The following TBC1D5 variants were observed in gnomAD, a reference collection of about 807,000 sequenced individuals.
TBC1D5 encodes TBC1 domain family, member 5.
A neutral mutation model predicts 100.3 loss-of-function variants in TBC1D5; 75 were observed. The ratio of observed to expected loss-of-function variants is 0.75; its 90% CI spans 0.62 to 0.91. The LOEUF is 0.91. TBC1D5 is among the 40% of genes least tolerant of loss of function. The pLI is 0.00. For missense variants in TBC1D5, 910 were observed against 942.4 expected, an observed-to-expected ratio of 0.97 and a Z score of 0.45; for synonymous variants, 323 against 325.6, an observed-to-expected ratio of 0.99 and a Z score of 0.09.
At chr3:17,672,494 C>A (rs1440901409) in intron 1 of TBC1D5, 1 of 152,152 alleles carries the variant, frequency 6.6e-6, no homozygotes, top group Non-Finnish European at 1.5e-5. Flanking sequence ...CAGGTCCTAG[C>A]CTCCCACAGG....
intron 2 of TBC1D5, among the ~76,000 whole-genome samples, chr3:17,608,151 G>T (rs962203211): frequency 1.3e-5 from 2 of 152,134 alleles, no homozygotes; most frequent in Admixed American, 6.5e-5. Context: ...CAGATACTAG[G>T]GGGGCTGAGG....
At chr3:17,675,372 G>T (rs947060288) in intron 1 of TBC1D5, among the ~76,000 whole-genome samples, 1 of 152,062 alleles carries the variant, frequency 6.6e-6, no homozygotes, top group African/African-American at 2.4e-5. Context: ...AACTCCATTT[G>T]AGCCATTCAT....
chr3:17,503,194 T>A (rs2095805374), intron 3 of TBC1D5, among the ~76,000 whole-genome samples: 1 of 149,654 alleles, frequency 6.7e-6, no homozygotes, highest in Non-Finnish European at 1.5e-5. Flanking sequence ...TAATCTTAAA[T>A]CACACTGAAA....
intron 1 of TBC1D5, among the ~76,000 whole-genome samples, chr3:17,728,511 G>C (rs1277234984): frequency 6.6e-6 from 1 of 152,122 alleles, no homozygotes; most frequent in Non-Finnish European, 1.5e-5. Flanking sequence ...ACAGGAACTT[G>C]TTACTGATAC....
At chr3:17,453,609 A>G (rs1480955389) in intron 3 of TBC1D5, among the ~76,000 whole-genome samples, 2 of 152,196 alleles carry the variant, frequency 1.3e-5, no homozygotes, top group Non-Finnish European at 2.9e-5. Flanking sequence ...CCATGAAGAA[A>G]TCCAAAACCT....
At chr3:17,381,769 T>C (rs1331651753) in intron 9 of TBC1D5, among the ~76,000 whole-genome samples, 1 of 151,044 alleles carries the variant, frequency 6.6e-6, no homozygotes, top group African/African-American at 2.5e-5. Flanking sequence ...AGTCTGAGAT[T>C]ACAAAAAAAT....
chr3:17,377,255 A>G (rs17043520), intron 9 of TBC1D5, among the ~76,000 whole-genome samples: 3,408 of 152,206 alleles, frequency 0.022, 123 homozygotes, highest in African/African-American at 0.077. Flanking sequence ...TGATTTCACC[A>G]ATACGATTTT....
At chr3:17,468,485 T>C (rs2095335393) in intron 3 of TBC1D5, among the ~76,000 whole-genome samples, 1 of 152,204 alleles carries the variant, frequency 6.6e-6, no homozygotes, top group Non-Finnish European at 1.5e-5. Context: ...GCAATATTCG[T>C]TTCTTTTTTC....
At chr3:17,313,353 C>T (rs770823197) in intron 13 of TBC1D5, among the ~76,000 whole-genome samples, 6 of 152,064 alleles carry the variant, frequency 3.9e-5, no homozygotes, top group Non-Finnish European at 7.4e-5. Context: ...GTTGGGAAAA[C>T]GAATTTTAGG....
At chr3:17,274,473 GATTATCTTGTAAGT>G (rs1161993074) in intron 15 of TBC1D5, among the ~76,000 whole-genome samples, 1 of 152,194 alleles carries the variant, frequency 6.6e-6, no homozygotes, top group African/African-American at 2.4e-5. Flanking sequence ...CTCATCAGTG[GATTATCTTGTAAGT>G]GGAATACATA....
At chr3:17,278,487 T>C (rs368186544) in intron 15 of TBC1D5, among the ~76,000 whole-genome samples, 1 of 152,334 alleles carries the variant, frequency 6.6e-6, no homozygotes, top group East Asian at 1.9e-4. Flanking sequence ...TTAAATGAGA[T>C]AGAAATGAAT....
rs570738619 is a variant in TBC1D5, at chr3:17,512,194, G to T, written c.-35-3589C>A. ...GTGTTTCATAAACATTCCAGTAAGA[G>T]AAAATGATTGATTACAAAGCAGAAT... On this transcript the variant is annotated intron_variant, in intron 2 of 21. Coordinates refer to ENST00000253692, the Ensembl canonical transcript of TBC1D5. Among the ~76,000 whole-genome samples, 8 of 152,032 alleles carry T rather than the reference G, an allele frequency of 5.3e-5. No homozygotes were observed. In the East Asian group the frequency reaches 1.5e-3, roughly 29 times the overall value.
At chr3:17,595,770 C>T (rs577611376) in intron 2 of TBC1D5, among the ~76,000 whole-genome samples, 2 of 152,108 alleles carry the variant, frequency 1.3e-5, no homozygotes, top group African/African-American at 2.4e-5. Context: ...AAAAGTAGGA[C>T]GGCATGTGTA....
intron 2 of TBC1D5, among the ~76,000 whole-genome samples, chr3:17,559,285 C>T (rs2096542193): frequency 6.6e-6 from 1 of 151,870 alleles, no homozygotes; most frequent in Non-Finnish European, 1.5e-5. Context: ...GGATTACAGG[C>T]ATGGCCACCA....
intron 2 of TBC1D5, among the ~76,000 whole-genome samples, chr3:17,522,372 T>C (rs886816409): frequency 6.6e-6 from 1 of 152,070 alleles, no homozygotes; most frequent in African/African-American, 2.4e-5. Context: ...GGGAATAAAC[T>C]ATTTCAATTT....
intron 14 of TBC1D5, among the ~76,000 whole-genome samples, chr3:17,301,914 G>A (rs542101678): frequency 2.6e-5 from 4 of 152,232 alleles, no homozygotes; most frequent in African/African-American, 7.2e-5. Context: ...AATGGTTTAC[G>A]ATTACTCTCA....
chr3:17,537,514 C>A (rs972575118), intron 2 of TBC1D5, among the ~76,000 whole-genome samples: 7 of 152,116 alleles, frequency 4.6e-5, no homozygotes, highest in Admixed American at 4.6e-4. Flanking sequence ...AGTTGGGGGG[C>A]TCAGGATTTT....
At chr3:17,361,968 C>A (rs1328850813) in intron 13 of TBC1D5, among the ~76,000 whole-genome samples, 1 of 152,020 alleles carries the variant, frequency 6.6e-6, no homozygotes, top group Non-Finnish European at 1.5e-5. Context: ...TTGAAAAGAT[C>A]AATTTTATTG....
intron 4 of TBC1D5, among the ~76,000 whole-genome samples, chr3:17,422,261 C>A (rs2094225300): frequency 6.6e-6 from 1 of 152,072 alleles, no homozygotes; most frequent in Admixed American, 6.6e-5. Context: ...CTCCGCCTCC[C>A]AGGTTCAAGT....
Sources: gnomAD v4.1 joint callset for allele counts (sites outside exome capture counted in the v4.1 genomes callset) on GRCh38, gnomAD v4.1.1 for gene constraint, MANE v1.5 for transcripts, NCBI Gene and HGNC (gene_info 2026-07-23, HGNC 2026-07-21) for gene names.